Variants in LOC728392 observed in about 807,000 individuals in gnomAD.
chr17:5,499,601 A>T, the LOC728392 span: 1 of 191,804 alleles, frequency 5.2e-6, no homozygotes, highest in Non-Finnish European at 8.5e-6. Flanking sequence ...TCCTGGTATT[A>T]AGCCTTTTGA....
At chr17:5,500,725 C>T in the LOC728392 span, 2 of 1,242,460 alleles carry the variant, frequency 1.6e-6, no homozygotes, top group Non-Finnish European at 2.1e-6. This position sits in a 1 kb window ranked among gnomAD's most constrained non-coding sequence, Gnocchi z 5.4. Flanking sequence ...GGAGGCGCCT[C>T]CTTCTTGGGC....
chr17:5,500,657 T>G, the LOC728392 span: 5 of 1,274,128 alleles, frequency 3.9e-6, no homozygotes, highest in Non-Finnish European at 5.1e-6. This position sits in a 1 kb window ranked among gnomAD's most constrained non-coding sequence, Gnocchi z 5.4. Context: ...AGGCGATGGC[T>G]GCGTAGATGA....
the LOC728392 span, chr17:5,500,294 C>G: frequency 2.0e-6 from 2 of 1,000,704 alleles, no homozygotes; most frequent in Non-Finnish European, 2.4e-6. The surrounding 1 kb of genome is among the most constrained non-coding windows in gnomAD (Gnocchi z 5.4). Flanking sequence ...CGTGCCCCCA[C>G]GTCACAGAGT....
the LOC728392 span, chr17:5,499,444 G>C: frequency 6.6e-6 from 1 of 152,212 alleles, no homozygotes; most frequent in African/African-American, 2.4e-5. Context: ...GACTGAAAAA[G>C]ATAATTTATT....
At chr17:5,500,017 C>T in the LOC728392 span, 2 of 986,140 alleles carry the variant, frequency 2.0e-6, no homozygotes, top group South Asian at 9.4e-5. This position sits in a 1 kb window ranked among gnomAD's most constrained non-coding sequence, Gnocchi z 5.4. Flanking sequence ...GACACCCCGA[C>T]GAACGCCACT....
the LOC728392 span, chr17:5,500,886 C>T: frequency 1.6e-6 from 2 of 1,258,956 alleles, no homozygotes; most frequent in East Asian, 8.5e-5. The surrounding 1 kb of genome is among the most constrained non-coding windows in gnomAD (Gnocchi z 5.4). Flanking sequence ...GTCAAACAGG[C>T]CTTCGGACTC....
At chr17:5,500,944 G>A in the LOC728392 span, 2 of 1,253,870 alleles carry the variant, frequency 1.6e-6, no homozygotes, top group East Asian at 8.4e-5. This position sits in a 1 kb window ranked among gnomAD's most constrained non-coding sequence, Gnocchi z 5.4. Context: ...CGCCGAAAGA[G>A]CCCGTCAGCC....
chr17:5,499,500 A>G, the LOC728392 span: 1 of 152,350 alleles, frequency 6.6e-6, no homozygotes, highest in African/African-American at 2.4e-5. Flanking sequence ...TTGCAAGTAA[A>G]TAATATGCAG....
chr17:5,499,948 A>C, the LOC728392 span: 3 of 985,830 alleles, frequency 3.0e-6, no homozygotes, highest in African/African-American at 5.2e-5. Context: ...GCGACAACAA[A>C]GTCTAAGGCA....
At chr17:5,500,799 C>T in the LOC728392 span, 1 of 1,155,508 alleles carries the variant, frequency 8.7e-7, no homozygotes, top group Non-Finnish European at 1.1e-6. The surrounding 1 kb of genome is among the most constrained non-coding windows in gnomAD (Gnocchi z 5.4). Context: ...CCCGCCCGCG[C>T]GCCGACCAGC....
chr17:5,500,997 A>G, the LOC728392 span: 6 of 1,198,612 alleles, frequency 5.0e-6, no homozygotes, highest in East Asian at 2.9e-4. The surrounding 1 kb of genome is among the most constrained non-coding windows in gnomAD (Gnocchi z 5.4). Context: ...GGTCTGGGTC[A>G]GAGCGCAGTG....
chr17:5,500,211 G>T, the LOC728392 span: 1 of 990,106 alleles, frequency 1.0e-6, no homozygotes, highest in African/African-American at 1.7e-5. This position sits in a 1 kb window ranked among gnomAD's most constrained non-coding sequence, Gnocchi z 5.4. Context: ...GTCTGGGTCT[G>T]GCTCATCCCT....
chr17:5,500,702 G>A, the LOC728392 span: 1 of 1,262,032 alleles, frequency 7.9e-7, no homozygotes, highest in Non-Finnish European at 1.0e-6. This position sits in a 1 kb window ranked among gnomAD's most constrained non-coding sequence, Gnocchi z 5.4. Context: ...CGAGATAGCA[G>A]CCCTCGTCCA....
At chr17:5,499,830 G>C in the LOC728392 span, 1 of 985,950 alleles carries the variant, frequency 1.0e-6, no homozygotes, top group Non-Finnish European at 1.2e-6. Context: ...CTGGGCCTGC[G>C]TGCCGGCGGG....
chr17:5,500,700 C>T, the LOC728392 span: 1 of 1,266,280 alleles, frequency 7.9e-7, no homozygotes, highest in Admixed American at 2.7e-5. The surrounding 1 kb of genome is among the most constrained non-coding windows in gnomAD (Gnocchi z 5.4). Context: ...GTCGAGATAG[C>T]AGCCCTCGTC....
At chr17:5,500,097 G>A in the LOC728392 span, 16 of 986,164 alleles carry the variant, frequency 1.6e-5, no homozygotes, top group Admixed American at 1.2e-4. The surrounding 1 kb of genome is among the most constrained non-coding windows in gnomAD (Gnocchi z 5.4). Flanking sequence ...CAACTCTGGG[G>A]CACAGCTGGC....
At chr17:5,499,876 T>G in the LOC728392 span, 1 of 985,684 alleles carries the variant, frequency 1.0e-6, no homozygotes, top group African/African-American at 1.8e-5. Context: ...CCCGGACACT[T>G]CCAGGACGTG....
chr17:5,500,890 C>A, the LOC728392 span: 3 of 1,259,236 alleles, frequency 2.4e-6, no homozygotes, highest in Non-Finnish European at 3.1e-6. This position sits in a 1 kb window ranked among gnomAD's most constrained non-coding sequence, Gnocchi z 5.4. Context: ...AACAGGCCTT[C>A]GGACTCGGGG....
chr17:5,500,096 G>C, the LOC728392 span: 1 of 986,284 alleles, frequency 1.0e-6, no homozygotes, highest in Non-Finnish European at 1.2e-6. This position sits in a 1 kb window ranked among gnomAD's most constrained non-coding sequence, Gnocchi z 5.4. Flanking sequence ...CCAACTCTGG[G>C]GCACAGCTGG....
Sources: allele counts gnomAD v4.1 joint callset, GRCh38; gene constraint gnomAD v4.1.1; non-coding constraint Gnocchi (gnomAD v3.1); transcripts MANE v1.5.